The following TOM1L2 variants were observed in gnomAD, a reference collection of about 807,000 sequenced individuals.
TOM1L2 encodes the protein target of myb1 like 2 membrane trafficking protein.
Under a neutral mutation model 67.9 loss-of-function variants are expected in TOM1L2, and 31 were observed. The ratio of observed to expected loss-of-function variants is 0.46; its 90% CI spans 0.34 to 0.62. The LOEUF (loss-of-function observed/expected upper bound fraction) is 0.62. TOM1L2 is among the 20% of genes least tolerant of loss of function. The pLI is 0.01. For synonymous variants in TOM1L2, 256 were observed against 254.0 expected, an observed-to-expected ratio of 1.01 and a Z score of -0.07; for missense variants, 606 against 663.5, an observed-to-expected ratio of 0.91 and a Z score of 0.95.
At chr17:17,895,330 T>G (rs2038511399) in intron 3 of TOM1L2, among the ~76,000 whole-genome samples, 1 of 152,180 alleles carries the variant, frequency 6.6e-6, no homozygotes. Flanking sequence ...TTATTCTCAT[T>G]TGCCCAAACT....
chr17:17,869,564 A>T, intron 7 of TOM1L2, 91 bp from the exon 8 acceptor site: 1 of 1,470,258 alleles, frequency 6.8e-7, no homozygotes. Flanking sequence ...GATTCTTAAA[A>T]GTCACAAAAG....
intron 12 of TOM1L2, among the ~76,000 whole-genome samples, chr17:17,855,796 A>T (rs2036222114): frequency 6.6e-6 from 1 of 152,150 alleles, no homozygotes; most frequent in African/African-American, 2.4e-5. Context: ...ATCCCTTCCT[A>T]TGTCACTTCA....
At chr17:17,894,701 C>G (rs2038464810) in intron 3 of TOM1L2, among the ~76,000 whole-genome samples, 1 of 152,226 alleles carries the variant, frequency 6.6e-6, no homozygotes, top group Non-Finnish European at 1.5e-5. Context: ...GAGGCCGAGG[C>G]AGGTGGATCA....
Position 17,847,585 on chromosome 17 carries a change from C to T in TOM1L2, c.*50G>A, listed in dbSNP as rs372299180. ...AGGAGTGGCCAGTGCCCGGTGTCCA[C>T]GGGGTGCGAGCGGGGACCCGCCATC... On this transcript the variant is annotated 3_prime_UTR_variant, in exon 15 of 15. Coordinates refer to ENST00000379504, the MANE Select transcript of TOM1L2 (RefSeq NM_001082968.2). 3.5e-5 allele frequency: 55 copies of T among 1,557,436 alleles called. No homozygotes were observed. In the African/African-American group the frequency reaches 3.8e-4, roughly 11 times the overall value.
intron 4 of TOM1L2, among the ~76,000 whole-genome samples, chr17:17,885,779 G>T (rs2037962971): frequency 6.6e-6 from 1 of 151,876 alleles, no homozygotes; most frequent in South Asian, 2.1e-4. Context: ...AAAAAAATTA[G>T]CTGGGCGTGG....
chr17:17,959,762 A>G (rs905098764), intron 1 of TOM1L2, among the ~76,000 whole-genome samples: 6 of 152,236 alleles, frequency 3.9e-5, no homozygotes, highest in African/African-American at 7.2e-5. Context: ...TGAAAGAATC[A>G]GTCTCTCTCC....
intron 12 of TOM1L2, among the ~76,000 whole-genome samples, chr17:17,857,083 T>C (rs1373431018): frequency 3.9e-5 from 6 of 152,170 alleles, no homozygotes. Flanking sequence ...GCCTCCCAAG[T>C]AGTTGGGATT....
chr17:17,871,585 T>C (rs920107743), intron 7 of TOM1L2, among the ~76,000 whole-genome samples: 14 of 152,024 alleles, frequency 9.2e-5, no homozygotes, highest in Non-Finnish European at 1.9e-4. Context: ...GTGGGAGAAT[T>C]GCTTGAATCC....
chr17:17,878,884 G>A (rs1735264079), intron 7 of TOM1L2, among the ~76,000 whole-genome samples: 1 of 152,216 alleles, frequency 6.6e-6, no homozygotes, highest in African/African-American at 2.4e-5. Flanking sequence ...GCTGGGTGTG[G>A]TGGAGATCTG....
At chr17:17,964,307 C>T (rs1357476134) in intron 1 of TOM1L2, among the ~76,000 whole-genome samples, 2 of 152,194 alleles carry the variant, frequency 1.3e-5, no homozygotes, top group Non-Finnish European at 2.9e-5. Context: ...TCAAGAGCAA[C>T]AACCCCTAAC....
At chr17:17,911,387 G>A (rs2039342630) in intron 1 of TOM1L2, among the ~76,000 whole-genome samples, 1 of 152,232 alleles carries the variant, frequency 6.6e-6, no homozygotes, top group South Asian at 2.1e-4. Context: ...TATCACCAGA[G>A]AGGTCAGCAC....
intron 10 of TOM1L2, 139 bp from the exon 11 acceptor site, chr17:17,862,987 C>T: frequency 3.0e-6 from 2 of 667,860 alleles, no homozygotes; most frequent in Non-Finnish European, 5.2e-6. Context: ...CCTTGGTACT[C>T]CCAGTGCACC....
chr17:17,936,825 C>A (rs1266883716), intron 1 of TOM1L2, among the ~76,000 whole-genome samples: 1 of 152,046 alleles, frequency 6.6e-6, no homozygotes, highest in Non-Finnish European at 1.5e-5. Flanking sequence ...ATAGTAGTAA[C>A]CTTTGTGTAG....
rs752914306 is a variant in TOM1L2 at position 17,850,883 on chromosome 17, C to A, written c.1338+10G>T. Reference sequence around the variant, plus strand: ...CACCCCACAGATGAAATAGAAAAGTCGAGTCTCACCAGGTCGGTCCTGAGC... The same window carrying A: ...CACCCCACAGATGAAATAGAAAAGTAGAGTCTCACCAGGTCGGTCCTGAGC... On this transcript the variant is annotated intron_variant, in intron 13 of 14. Coordinates refer to ENST00000379504, the MANE Select transcript of TOM1L2 (RefSeq NM_001082968.2). 1 of 1,613,888 alleles carries A rather than the reference C, an allele frequency of 6.2e-7. No individual in the cohort carries two copies. Among genetic ancestry groups the A allele is most frequent in the Non-Finnish European group, 8.5e-7 (1 of 1,179,894 alleles).
intron 1 of TOM1L2, among the ~76,000 whole-genome samples, chr17:17,970,718 A>G (rs532364995): frequency 6.6e-6 from 1 of 152,352 alleles, no homozygotes; most frequent in East Asian, 1.9e-4. Context: ...CTAAATGCTA[A>G]TTAGCCAACA....
At chr17:17,905,499 C>A (rs913091416) in intron 2 of TOM1L2, among the ~76,000 whole-genome samples, 1 of 152,236 alleles carries the variant, frequency 6.6e-6, no homozygotes, top group African/African-American at 2.4e-5. Flanking sequence ...CATCATCTCA[C>A]ACCAGTATTA....
At position 17,920,008 on chromosome 17, in the gene TOM1L2, G is replaced by C. The variant is rs781130664; in HGVS notation, c.53-12477C>G. On this transcript the variant is annotated intron_variant, in intron 1 of 14. Coordinates refer to ENST00000379504, the MANE Select transcript of TOM1L2 (RefSeq NM_001082968.2). ...CCTGGTAAGCCTGGCCTTGGACCCTGATCCATCCTCAGGTAGAGGGTCACA... is the reference window on the plus strand; with the variant it reads ...CCTGGTAAGCCTGGCCTTGGACCCTCATCCATCCTCAGGTAGAGGGTCACA... 2.3e-4 allele frequency among the ~76,000 whole-genome samples: 35 copies of C among 152,252 alleles called. 1 individual carries two copies. The highest frequency in any genetic ancestry group is 1.6e-3 in the Admixed American group (24 of 15,288).
chr17:17,904,816 CG>C (rs904753590), intron 2 of TOM1L2, among the ~76,000 whole-genome samples: 7 of 151,944 alleles, frequency 4.6e-5, no homozygotes, highest in Non-Finnish European at 8.8e-5. Context: ...CCCTTGGCTA[CG>C]GGACACATTT....
At position 17,957,038 on chromosome 17, in the gene TOM1L2, G is replaced by T. The variant is rs1266825139; in HGVS notation, c.52+15224C>A. On this transcript the variant is annotated intron_variant, in intron 1 of 14. Transcript: ENST00000379504. ...GCTGTCACCTCTCAAGAGTACAGTG[G>T]CACAATCATAGCTCGCTGCAGTCTC... Among the ~76,000 whole-genome samples the T allele has an allele frequency of 2.0e-5, 3 of 152,246 alleles. No homozygotes were observed. In the East Asian group the frequency reaches 5.8e-4, roughly 29 times the overall value.
Sources: allele counts gnomAD v4.1 joint callset (sites outside exome capture counted in the v4.1 genomes callset), GRCh38; gene constraint gnomAD v4.1.1; transcripts MANE v1.5; gene names NCBI Gene and HGNC (gene_info 2026-07-23, HGNC 2026-07-21).